Variants in GALNT17 observed in about 807,000 individuals in gnomAD.
The protein encoded by GALNT17 is polypeptide N-acetylgalactosaminyltransferase 17.
A neutral mutation model predicts 63.7 loss-of-function variants in GALNT17; 29 were observed. That is an observed-to-expected ratio of 0.46 (90% CI 0.34 to 0.62). The LOEUF (loss-of-function observed/expected upper bound fraction) is 0.62. GALNT17 is among the 20% of genes least tolerant of loss of function. GALNT17 has a pLI of 0.01. For synonymous variants in GALNT17, 305 were observed against 318.3 expected (o/e 0.96, Z 0.45); for missense variants, 603 against 799.6 (o/e 0.75, Z 2.97).
chr7:71,455,130 G>A (rs1451407640), intron 5 of GALNT17, among the ~76,000 whole-genome samples: 1 of 151,452 alleles, frequency 6.6e-6, no homozygotes, highest in Non-Finnish European at 1.5e-5. Context: ...ACACATCACT[G>A]CACTCCAGCC....
intron 1 of GALNT17, among the ~76,000 whole-genome samples, chr7:71,178,782 T>C (rs1191671725): frequency 6.6e-6 from 1 of 152,212 alleles, no homozygotes; most frequent in Admixed American, 6.5e-5. Flanking sequence ...ATATTTTTCA[T>C]TTAAAATTCT....
At chr7:71,652,541 G>A (rs946057491) in intron 6 of GALNT17, among the ~76,000 whole-genome samples, 2 of 152,096 alleles carry the variant, frequency 1.3e-5, no homozygotes, top group African/African-American at 4.8e-5. Flanking sequence ...AGAAAGGCCC[G>A]CAAATGATTG....
chr7:71,591,684 A>G (rs903597167), intron 6 of GALNT17, among the ~76,000 whole-genome samples: 6 of 151,976 alleles, frequency 3.9e-5, no homozygotes, highest in Middle Eastern at 3.2e-3. Flanking sequence ...TGTTTTTGAG[A>G]CAGAGTCTTG....
intron 1 of GALNT17, among the ~76,000 whole-genome samples, chr7:71,335,117 A>G (rs1791874714): frequency 6.6e-6 from 1 of 151,866 alleles, no homozygotes; most frequent in African/African-American, 2.4e-5. Context: ...AAGGAGAGAG[A>G]GGATTCTTTT....
At chr7:71,535,570 GT>G (rs1788790305) in intron 5 of GALNT17, among the ~76,000 whole-genome samples, 1 of 152,188 alleles carries the variant, frequency 6.6e-6, no homozygotes, top group Non-Finnish European at 1.5e-5. Flanking sequence ...TAAAATTCAT[GT>G]TTGAGGACCA....
At chr7:71,497,077 A>C (rs1788108720) in intron 5 of GALNT17, among the ~76,000 whole-genome samples, 2 of 152,146 alleles carry the variant, frequency 1.3e-5, no homozygotes, top group Admixed American at 1.3e-4. Flanking sequence ...TCTCTCTAAA[A>C]GAAGAAAATG....
chr7:71,589,566 T>A (rs921011214), intron 6 of GALNT17, among the ~76,000 whole-genome samples: 11 of 151,632 alleles, frequency 7.3e-5, no homozygotes, highest in Admixed American at 7.2e-4. Context: ...ACTGACACCT[T>A]GTCTCTGAAA....
chr7:71,341,734 G>A (rs777764283), intron 2 of GALNT17, among the ~76,000 whole-genome samples: 1 of 152,182 alleles, frequency 6.6e-6, no homozygotes, highest in Non-Finnish European at 1.5e-5. Context: ...TCGCAAAAAT[G>A]TAGGCTCTTA....
chr7:71,394,403 G>A (rs1290621221), intron 3 of GALNT17, among the ~76,000 whole-genome samples: 1 of 152,176 alleles, frequency 6.6e-6, no homozygotes, highest in Non-Finnish European at 1.5e-5. Context: ...GAGATTTGGA[G>A]GGGACAAACC....
At chr7:71,139,132 A>G (rs2116157895) in intron 1 of GALNT17, among the ~76,000 whole-genome samples, 1 of 152,314 alleles carries the variant, frequency 6.6e-6, no homozygotes, top group East Asian at 1.9e-4. Flanking sequence ...AAGGTGAGAA[A>G]CAGAGATACT....
intron 1 of GALNT17, among the ~76,000 whole-genome samples, chr7:71,248,589 G>T (rs1790142505): frequency 6.6e-6 from 1 of 151,878 alleles, no homozygotes; most frequent in African/African-American, 2.4e-5. Flanking sequence ...CATTTTCCTT[G>T]TTTTTTTTCA....
intron 1 of GALNT17, among the ~76,000 whole-genome samples, chr7:71,259,145 C>T (rs933805932): frequency 6.6e-6 from 1 of 152,092 alleles, no homozygotes; most frequent in Non-Finnish European, 1.5e-5. Flanking sequence ...GAGCTCTTAC[C>T]TTCAGAGGGC....
chr7:71,154,818 C>T (rs1788203942), intron 1 of GALNT17, among the ~76,000 whole-genome samples: 2 of 151,848 alleles, frequency 1.3e-5, no homozygotes, highest in African/African-American at 4.9e-5. Context: ...CCTCATGATC[C>T]ACCCGCCTTG....
intron 5 of GALNT17, among the ~76,000 whole-genome samples, chr7:71,565,845 CTTTTTTTT>C (rs71738437): frequency 4.7e-5 from 6 of 127,840 alleles, no homozygotes; most frequent in South Asian, 2.5e-4. Context: ...CTTCTCTTTT[CTTTTTTTT>C]TTTTTTTTGA....
chr7:71,468,346 T>G (rs1233434294), intron 5 of GALNT17, among the ~76,000 whole-genome samples: 1 of 151,980 alleles, frequency 6.6e-6, no homozygotes, highest in African/African-American at 2.4e-5. Flanking sequence ...AGGGCATTCT[T>G]CATATGATAG....
At chr7:71,170,533 A>G (rs976273092) in intron 1 of GALNT17, among the ~76,000 whole-genome samples, 13 of 152,118 alleles carry the variant, frequency 8.5e-5, no homozygotes, top group Admixed American at 4.6e-4. Flanking sequence ...ACGGGGTTTC[A>G]CTATGTTGGC....
At chr7:71,402,709 G>A (rs774893174) in intron 3 of GALNT17, among the ~76,000 whole-genome samples, 64 of 139,878 alleles carry the variant, frequency 4.6e-4, no homozygotes, top group Non-Finnish European at 5.9e-4. Context: ...TGGAGTGGAA[G>A]GTTATACCCT....
intron 2 of GALNT17, among the ~76,000 whole-genome samples, chr7:71,338,184 G>A (rs1050372638): frequency 5.3e-5 from 8 of 151,684 alleles, no homozygotes; most frequent in East Asian, 1.9e-4. Flanking sequence ...AAAATTAGCC[G>A]GGCGTGGTGG....
chr7:71,226,578 C>T (rs1789684017), intron 1 of GALNT17, among the ~76,000 whole-genome samples: 1 of 152,136 alleles, frequency 6.6e-6, no homozygotes, highest in African/African-American at 2.4e-5. Context: ...CTCCCGGTTT[C>T]AAGTGATTCT....
Sources: gnomAD v4.1 joint callset for allele counts (sites outside exome capture counted in the v4.1 genomes callset) on GRCh38, gnomAD v4.1.1 for gene constraint, MANE v1.5 for transcripts, NCBI Gene and HGNC (gene_info 2026-07-23, HGNC 2026-07-21) for gene names.